The following NDUFB3 variants were observed in gnomAD, a reference collection of about 807,000 sequenced individuals.
NDUFB3 encodes the protein NADH:ubiquinone oxidoreductase subunit B3.
In NDUFB3, 7 loss-of-function variants were observed where a neutral mutation model predicts 9.0. The observed-to-expected ratio is 0.78, with a 90% CI of 0.44 to 1.46. The LOEUF (loss-of-function observed/expected upper bound fraction) is 1.46, where lower values mean the gene tolerates loss of function less well. Among genes scored for constraint, NDUFB3 ranks in the 40% most tolerant of loss-of-function variants. NDUFB3 has a pLI of 0.01. For missense variants in NDUFB3, 93 were observed against 115.4 expected, an observed-to-expected ratio of 0.81 and a Z score of 0.89; for synonymous variants, 29 against 38.5, an observed-to-expected ratio of 0.75 and a Z score of 0.91.
intron 1 of NDUFB3, among the ~76,000 whole-genome samples, chr2:201,075,382 G>A (rs566859945): frequency 5.3e-5 from 8 of 151,706 alleles, no homozygotes; most frequent in African/African-American, 4.8e-5. Context: ...TAGCTAACAC[G>A]GTGAAACCCC....
chr2:201,076,511 AT>A (rs1256524176), intron 1 of NDUFB3, among the ~76,000 whole-genome samples: 35 of 137,354 alleles, frequency 2.5e-4, no homozygotes, highest in Admixed American at 6.6e-4. Context: ...ATATATATAT[AT>A]AATTAAATGT....
rs180711976 is a variant in NDUFB3, at chr2:201,081,109, T to C, written c.140+2087T>C. On this transcript the variant is annotated intron_variant, in intron 2 of 2. Coordinates refer to ENST00000237889, the MANE Select transcript of NDUFB3 (RefSeq NM_002491.3). ...ATTTCTATTAAAATCCCTGCTTGGA[T>C]TTTAATTGGGATCACATTGAATCTG... is the stretch of plus-strand genomic sequence containing the variant. Among the ~76,000 whole-genome samples, 152 of 152,258 alleles carry C rather than the reference T, an allele frequency of 1.0e-3. 1 individual carries two copies. Among genetic ancestry groups the C allele is most frequent in the Admixed American group, 9.8e-3 (150 of 15,268 alleles).
chr2:201,083,272 G>T (rs1489495017), intron 2 of NDUFB3, among the ~76,000 whole-genome samples: 2 of 151,554 alleles, frequency 1.3e-5, no homozygotes, highest in Non-Finnish European at 2.9e-5. Context: ...TTCTTACAGT[G>T]ATCTCCTAGG....
chr2:201,075,354 A>G (rs1395299735), intron 1 of NDUFB3, among the ~76,000 whole-genome samples: 2 of 152,022 alleles, frequency 1.3e-5, no homozygotes, highest in Admixed American at 6.6e-5. Flanking sequence ...TCACAAGGTC[A>G]GGAGATCGAG....
chr2:201,072,731 A>G (rs2047099060), intron 1 of NDUFB3, among the ~76,000 whole-genome samples: 1 of 152,160 alleles, frequency 6.6e-6, no homozygotes, highest in South Asian at 2.1e-4. Context: ...CAATTTTTCT[A>G]TTTTTATTTT....
At chr2:201,076,313 C>G (rs2047161933) in intron 1 of NDUFB3, among the ~76,000 whole-genome samples, 1 of 151,484 alleles carries the variant, frequency 6.6e-6, no homozygotes, top group African/African-American at 2.4e-5. Context: ...AGTTTGAGAC[C>G]AGCCTGCACA....
At chr2:201,081,276 G>A (rs1200338454) in intron 2 of NDUFB3, among the ~76,000 whole-genome samples, 1 of 151,750 alleles carries the variant, frequency 6.6e-6, no homozygotes, top group Non-Finnish European at 1.5e-5. Flanking sequence ...TTAAGGTCAG[G>A]TGTTCGAGAC....
Position 201,072,794 on chromosome 2 carries a change from T to A in NDUFB3, c.-3+735T>A, listed in dbSNP as rs577965171. Among the ~76,000 whole-genome samples the A allele has an allele frequency of 7.9e-5, 12 of 152,300 alleles. No individual in the cohort carries two copies. The South Asian group carries it at 2.3e-3, about 29-fold the overall frequency. ...TGTATAAAACATACATTTTAAAAAATTATAACTAACAGAAGCAGACACTCC... is the reference window on the plus strand; with the variant it reads ...TGTATAAAACATACATTTTAAAAAAATATAACTAACAGAAGCAGACACTCC... On this transcript the variant is annotated intron_variant, in intron 1 of 2. Coordinates refer to ENST00000237889, the MANE Select transcript of NDUFB3 (RefSeq NM_002491.3).
At chr2:201,085,085 A>G (rs564274776) in intron 2 of NDUFB3, among the ~76,000 whole-genome samples, 1 of 152,346 alleles carries the variant, frequency 6.6e-6, no homozygotes, top group Non-Finnish European at 1.5e-5. Context: ...ATCTAATATA[A>G]GTGGCATACC....
intron 1 of NDUFB3, among the ~76,000 whole-genome samples, chr2:201,072,632 T>C (rs1240875578): frequency 6.6e-6 from 1 of 151,876 alleles, no homozygotes; most frequent in Non-Finnish European, 1.5e-5. Flanking sequence ...ATGTTTTTTC[T>C]TTATTTAACT....
chr2:201,079,768 A>G lies in NDUFB3; in HGVS notation c.140+746A>G, dbSNP rs1343446031. 2.6e-5 allele frequency: 4 copies of G among 152,292 alleles called. No homozygotes were observed. In the East Asian group the frequency reaches 7.7e-4, roughly 29 times the overall value. 9.4% of individuals were successfully genotyped at this position (152,292 alleles called of 1,614,324 possible). ...ACATTAAAATTTTAAAATCGACTTTATTGAGCTATCGTTTATATATAGTAA... is the reference window on the plus strand; with the variant it reads ...ACATTAAAATTTTAAAATCGACTTTGTTGAGCTATCGTTTATATATAGTAA... On this transcript the variant is annotated intron_variant, in intron 2 of 2. Coordinates refer to ENST00000237889, the MANE Select transcript of NDUFB3 (RefSeq NM_002491.3).
chr2:201,079,117 A>G, intron 2 of NDUFB3, 95 bp downstream of exon 2: 1 of 1,352,738 alleles, frequency 7.4e-7, no homozygotes, highest in Non-Finnish European at 9.9e-7. Context: ...ATCATGAAAA[A>G]TGGCTTTTTA....
intron 1 of NDUFB3, among the ~76,000 whole-genome samples, chr2:201,073,427 C>A (rs2047120196): frequency 6.6e-6 from 1 of 152,118 alleles, no homozygotes; most frequent in African/African-American, 2.4e-5. Flanking sequence ...GGGTTGTTTA[C>A]AGTTGGGAGA....
intron 1 of NDUFB3, among the ~76,000 whole-genome samples, chr2:201,073,984 G>A (rs990235073): frequency 5.9e-5 from 9 of 151,592 alleles, no homozygotes; most frequent in Non-Finnish European, 1.0e-4. Flanking sequence ...ACAGAGTCTC[G>A]CTCTGTCGCC....
chr2:201,072,310 T>C (rs1228606249), intron 1 of NDUFB3: 2 of 152,170 alleles, frequency 1.3e-5, no homozygotes, highest in Non-Finnish European at 2.9e-5. Context: ...ACACGCAAAA[T>C]TGTCTTTGTT....
At chr2:201,077,190 A>C (rs1479456509) in intron 1 of NDUFB3, among the ~76,000 whole-genome samples, 1 of 152,192 alleles carries the variant, frequency 6.6e-6, no homozygotes. Flanking sequence ...ACTTGATTTT[A>C]CTTCCGGAAA....
intron 1 of NDUFB3, among the ~76,000 whole-genome samples, chr2:201,072,760 A>T (rs2125527764): frequency 6.6e-6 from 1 of 152,322 alleles, no homozygotes; most frequent in Non-Finnish European, 1.5e-5. Flanking sequence ...AAGTATATAT[A>T]CAGAAGGGTG....
intron 1 of NDUFB3, among the ~76,000 whole-genome samples, chr2:201,075,295 G>A (rs1049401340): frequency 1.3e-5 from 2 of 151,934 alleles, no homozygotes; most frequent in South Asian, 2.1e-4. Flanking sequence ...GCCGGGCACC[G>A]TGGCTCATGC....
At chr2:201,072,855 C>T (rs1290028891) in intron 1 of NDUFB3, among the ~76,000 whole-genome samples, 1 of 151,992 alleles carries the variant, frequency 6.6e-6, no homozygotes, top group Non-Finnish European at 1.5e-5. Flanking sequence ...TAAAGCATTG[C>T]CAATAACTTA....
Sources: allele counts gnomAD v4.1 joint callset (sites outside exome capture counted in the v4.1 genomes callset), GRCh38; gene constraint gnomAD v4.1.1; transcripts MANE v1.5; gene names NCBI Gene and HGNC (gene_info 2026-07-23, HGNC 2026-07-21).